ADAP1: variants seen among roughly 807,000 people sequenced by gnomAD.
ADAP1 encodes the protein ArfGAP with dual PH domains 1.
In ADAP1, 31 loss-of-function variants were observed where a neutral mutation model predicts 54.9. That is an observed-to-expected ratio of 0.56 (90% confidence interval 0.42 to 0.76). The LOEUF is 0.76. Among genes scored for constraint, ADAP1 ranks in the 30% least tolerant of loss-of-function variants. ADAP1 has a pLI of 0.00. For missense variants in ADAP1, 535 were observed against 512.4 expected (o/e 1.04, Z -0.42); for synonymous variants, 313 against 202.6 (o/e 1.55, Z -4.63).
chr7:917,331 G>T (rs1845976394), intron 4 of ADAP1, among the ~76,000 whole-genome samples: 1 of 145,096 alleles, frequency 6.9e-6, no homozygotes, highest in Admixed American at 6.9e-5. Flanking sequence ...CTCTACCGGG[G>T]AGGTGCACGG....
At chr7:909,523 C>T (rs905879172) in intron 4 of ADAP1, among the ~76,000 whole-genome samples, 1 of 152,242 alleles carries the variant, frequency 6.6e-6, no homozygotes, top group Non-Finnish European at 1.5e-5. Context: ...GTCCCGGACG[C>T]GCCCCACGCC....
At position 920,949 on chromosome 7, in the gene ADAP1, G is replaced by C; in HGVS notation, c.306-899C>G. On this transcript the variant is annotated intron_variant, in intron 3 of 10. Transcript: ENST00000265846. This position sits in a 1 kb window ranked among gnomAD's most constrained non-coding sequence, Gnocchi z 4.5. Reference sequence around the variant, plus strand: ...TGCTGGGCCCACGTGAACAGCCTTGGAGACTGGGCGGGAATCCTCGCCCAC... The same window carrying C: ...TGCTGGGCCCACGTGAACAGCCTTGCAGACTGGGCGGGAATCCTCGCCCAC... 1.5e-6 allele frequency: 2 copies of C among 1,348,710 alleles called. No homozygotes were observed. The highest frequency in any genetic ancestry group is 1.3e-5 in the South Asian group (1 of 77,554). 83.5% of individuals were successfully genotyped at this position (1,348,710 alleles called of 1,614,324 possible).
At position 910,208 on chromosome 7, in the gene ADAP1, G is replaced by A. The variant is rs544432458; in HGVS notation, c.389-5036C>T. Among the ~76,000 whole-genome samples, 10 of 152,216 alleles carry A rather than the reference G, an allele frequency of 6.6e-5. No individual in the cohort carries two copies. In the South Asian group the frequency reaches 8.3e-4, roughly 13 times the overall value. On this transcript the variant is annotated intron_variant, in intron 4 of 10. Transcript: ENST00000265846. ...AAGCGCGCACATCACGTGCCTCAGA[G>A]AGAAGTGAAATCCGAGGAAACAGGA...
intron 1 of ADAP1, among the ~76,000 whole-genome samples, 189 bp from the exon 2 acceptor site, chr7:935,694 G>A (rs79898766): frequency 2.9e-4 from 43 of 149,296 alleles, no homozygotes; most frequent in Admixed American, 1.0e-3. Flanking sequence ...TCTGCCCGGT[G>A]CAGACGGGGC....
chr7:921,134 C>T (rs942450232), intron 3 of ADAP1, among the ~76,000 whole-genome samples: 1 of 152,202 alleles, frequency 6.6e-6, no homozygotes, highest in Non-Finnish European at 1.5e-5. Context: ...GAGATCAAGG[C>T]GTCGGCCGAG....
At position 905,271 on chromosome 7, in the gene ADAP1, AC is replaced by A. The variant is rs1162563588; in HGVS notation, c.389-100del. ...GACAGAGGGGACATGGGGAGAAGAC[AC>A]GGGGGACACGGACGGGGGACACGGA... is the stretch of plus-strand genomic sequence containing the variant. On this transcript the variant is annotated intron_variant, in intron 4 of 10. Coordinates refer to ENST00000265846, the MANE Select transcript of ADAP1 (RefSeq NM_006869.4). 5 of 337,174 alleles carry A rather than the reference AC, an allele frequency of 1.5e-5. No individual in the cohort carries two copies. The African/African-American group carries it at 2.7e-4, about 18-fold the overall frequency. 20.9% of individuals were successfully genotyped at this position (337,174 alleles called of 1,614,324 possible).
intron 4 of ADAP1, among the ~76,000 whole-genome samples, chr7:916,233 C>G (rs1048538414): frequency 1.4e-4 from 21 of 152,184 alleles, no homozygotes; most frequent in Admixed American, 4.6e-4. Flanking sequence ...AGGTGGCCAC[C>G]AGGAGGATTG....
intron 1 of ADAP1, among the ~76,000 whole-genome samples, chr7:952,377 G>C (rs1847292745): frequency 6.6e-6 from 1 of 152,174 alleles, no homozygotes; most frequent in African/African-American, 2.4e-5. Flanking sequence ...GTGAGCCAGT[G>C]CACAGGACAG....
chr7:937,186 GATTTGGGGGTCACGCCCGA>G (rs1562934106), intron 1 of ADAP1, among the ~76,000 whole-genome samples: 1 of 95,834 alleles, frequency 1.0e-5, no homozygotes, highest in African/African-American at 4.1e-5. Flanking sequence ...CGACCTCTGG[GATTTGGGGGTCACGCCCGA>G]CCTCTGGGAT....
chr7:901,155 G>C (rs371882330), intron 6 of ADAP1: 3 of 400,278 alleles, frequency 7.5e-6, no homozygotes, highest in Non-Finnish European at 1.5e-5. Context: ...TCTGGAGAGC[G>C]TGGGGTGGGC....
At chr7:906,744 C>CGGG (rs1845449401) in intron 4 of ADAP1, among the ~76,000 whole-genome samples, 8 of 23,242 alleles carry the variant, frequency 3.4e-4, no homozygotes, top group African/African-American at 9.8e-4. Context: ...GGACAGAGTA[C>CGGG]ATAGGGGACA....
intron 4 of ADAP1, 125 bp from the exon 5 acceptor site, chr7:905,297 A>G (rs1181371869): frequency 0.05 from 13,206 of 261,976 alleles, 1,297 homozygotes; most frequent in African/African-American, 0.11. Context: ...GGGGACACGG[A>G]CAGGGGGAGA....
At chr7:921,060 C>T (rs1034389482) in intron 3 of ADAP1, among the ~76,000 whole-genome samples, 54 of 152,268 alleles carry the variant, frequency 3.5e-4, no homozygotes, top group Admixed American at 3.3e-3. Context: ...ACAACGATCA[C>T]CCCAAAATTC....
At chr7:952,487 C>T (rs1027077261) in intron 1 of ADAP1, among the ~76,000 whole-genome samples, 10 of 152,204 alleles carry the variant, frequency 6.6e-5, no homozygotes, top group African/African-American at 2.4e-4. Flanking sequence ...CAGGAGGCCC[C>T]AGAGCAGCTG....
At chr7:916,080 G>A (rs1481934449) in intron 4 of ADAP1, among the ~76,000 whole-genome samples, 1 of 152,218 alleles carries the variant, frequency 6.6e-6, no homozygotes, top group Non-Finnish European at 1.5e-5. Flanking sequence ...GCCACCTAGG[G>A]CGCCACGTTT....
chr7:920,856 G>T lies in ADAP1; in HGVS notation c.306-806C>A. 1 of 1,550,160 alleles carries T rather than the reference G, an allele frequency of 6.5e-7. No homozygotes were observed. The highest frequency in any genetic ancestry group is 1.2e-5 in the South Asian group (1 of 84,060). Reference sequence around the variant, plus strand: ...CCGGCACGGCCCAGGTGCACAGGCAGCCGCCCCAGCCTTTTCCACTCCCAG... The same window carrying T: ...CCGGCACGGCCCAGGTGCACAGGCATCCGCCCCAGCCTTTTCCACTCCCAG... On this transcript the variant is annotated intron_variant, in intron 3 of 10. Transcript: ENST00000265846. This position sits in a 1 kb window ranked among gnomAD's most constrained non-coding sequence, Gnocchi z 4.5.
intron 4 of ADAP1, among the ~76,000 whole-genome samples, chr7:909,791 A>G (rs543103474): frequency 6.6e-5 from 10 of 151,546 alleles, no homozygotes; most frequent in African/African-American, 2.4e-4. Context: ...TATTTATCAA[A>G]CAGCTACCGC....
intron 2 of ADAP1, chr7:935,168 T>C (rs1250384084): frequency 1.9e-5 from 14 of 732,450 alleles, no homozygotes; most frequent in South Asian, 1.0e-4. Flanking sequence ...CACAGAGAGG[T>C]TGGACCCGGC....
chr7:900,155 T>C lies in ADAP1; in HGVS notation c.742A>G (p.Lys248Glu), dbSNP rs1844716881. Reference protein sequence around the residue: ...PGAGDADLVPKLSRNYLKEGY... With the variant: ...PGAGDADLVPELSRNYLKEGY... ...TCCTTCAGGTAGTTCCTGGAGAGCTTTGGCACCAGCTAGGGCAGGACACAC... is the reference window on the plus strand; with the variant it reads ...TCCTTCAGGTAGTTCCTGGAGAGCTCTGGCACCAGCTAGGGCAGGACACAC... The change falls in exon 8 of 11, where the codon AAG (lysine) becomes GAG (glutamate). Residue 248 changes from lysine to glutamate, a missense_variant. Lys to Glu is a moderately conservative substitution (Grantham distance 56, BLOSUM62 1). Transcript: ENST00000265846. The C allele has an allele frequency of 6.2e-7, 1 of 1,613,008 alleles. No homozygotes were observed.
Sources: allele counts gnomAD v4.1 joint callset (sites outside exome capture counted in the v4.1 genomes callset), GRCh38; gene constraint gnomAD v4.1.1; non-coding constraint Gnocchi (gnomAD v3.1); transcripts MANE v1.5; gene names NCBI Gene and HGNC (gene_info 2026-07-23, HGNC 2026-07-21).